Variants in CDK13 observed in about 807,000 individuals in gnomAD.
CDK13 encodes the protein cyclin-dependent kinase 13.
CDK13 carries 40 observed loss-of-function variants against 137.6 expected under a neutral mutation model. The ratio of observed to expected loss-of-function variants is 0.29; its 90% CI spans 0.23 to 0.38. The LOEUF is 0.38. Among genes scored for constraint, CDK13 ranks in the 10% least tolerant of loss-of-function variants. The pLI, the probability that CDK13 is intolerant of heterozygous loss-of-function variation, is 1.00. For missense variants in CDK13, 1,704 were observed against 1,951.8 expected (o/e 0.87, Z 2.39); for synonymous variants, 869 against 760.1 (o/e 1.14, Z -2.36).
intron 5 of CDK13, among the ~76,000 whole-genome samples, chr7:40,011,243 G>C (rs1784887783): frequency 6.6e-6 from 1 of 152,250 alleles, no homozygotes; most frequent in East Asian, 1.9e-4. Flanking sequence ...CTTCCTACAG[G>C]CTGGGCACGT....
intron 1 of CDK13, among the ~76,000 whole-genome samples, chr7:39,966,860 AGTTTGCTGGAGGTCCACTCCAGACCCT>A (rs1783883542): frequency 6.6e-6 from 1 of 151,916 alleles, no homozygotes; most frequent in Non-Finnish European, 1.5e-5. Context: ...GGTCCGTTGG[AGTTTGCTGGAGGTCCACTCCAGACCCT>A]GTTTGCCTGG....
chr7:39,969,840 T>C (rs1387319668), intron 1 of CDK13, among the ~76,000 whole-genome samples: 1 of 152,174 alleles, frequency 6.6e-6, no homozygotes, highest in Non-Finnish European at 1.5e-5. Flanking sequence ...TCATTCTTCA[T>C]GAATTGGGTT....
intron 1 of CDK13, among the ~76,000 whole-genome samples, chr7:39,969,065 A>G (rs1294883818): frequency 6.6e-6 from 1 of 152,002 alleles, no homozygotes; most frequent in Non-Finnish European, 1.5e-5. Context: ...GCTGGAGTGC[A>G]GTGGTGTGAT....
intron 1 of CDK13, chr7:39,985,492 G>A (rs1036232388): frequency 1.3e-5 from 2 of 152,206 alleles, no homozygotes; most frequent in African/African-American, 4.8e-5. Context: ...ATGTACCTAG[G>A]AGTGGGATTG....
chr7:39,958,566 C>T (rs1787498047), intron 1 of CDK13, among the ~76,000 whole-genome samples: 1 of 152,140 alleles, frequency 6.6e-6, no homozygotes, highest in Non-Finnish European at 1.5e-5. Context: ...GAACATGTAA[C>T]AATGCTGTCT....
chr7:39,978,390 AG>A (rs1194960740), intron 1 of CDK13, among the ~76,000 whole-genome samples: 1 of 152,154 alleles, frequency 6.6e-6, no homozygotes, highest in Middle Eastern at 3.2e-3. Context: ...GTTGCTTCAG[AG>A]GTGACCAGTT....
intron 10 of CDK13, 71 bp from the exon 11 acceptor site, chr7:40,078,649 T>G (rs989294995): frequency 1.1e-6 from 1 of 912,882 alleles, no homozygotes; most frequent in Non-Finnish European, 1.5e-6. Context: ...TTAAAAATAA[T>G]TTAAGCTCCT....
intron 7 of CDK13, among the ~76,000 whole-genome samples, chr7:40,054,645 G>A (rs2150522211): frequency 6.6e-6 from 1 of 152,190 alleles, no homozygotes; most frequent in East Asian, 1.9e-4. Context: ...TGTCCAGGCT[G>A]GTCTTGAACT....
chr7:40,027,859 T>TA (rs1785279007), intron 5 of CDK13, among the ~76,000 whole-genome samples: 1 of 152,006 alleles, frequency 6.6e-6, no homozygotes, highest in African/African-American at 2.4e-5. Context: ...AGTGTGAGGG[T>TA]AATCATCTTG....
At chr7:40,072,727 T>G (rs907776778) in intron 9 of CDK13, 2 of 152,226 alleles carry the variant, frequency 1.3e-5, no homozygotes, top group Non-Finnish European at 2.9e-5. Flanking sequence ...AATACTGATG[T>G]ACAACATCTA....
At chr7:40,063,124 G>C (rs1305646472) in intron 9 of CDK13, 24 bp downstream of exon 9, 1 of 1,542,944 alleles carries the variant, frequency 6.5e-7, no homozygotes, top group Non-Finnish European at 9.0e-7. Flanking sequence ...TATAATATTG[G>C]TGGGAATTGG....
At chr7:39,973,292 A>T (rs1348116957) in intron 1 of CDK13, among the ~76,000 whole-genome samples, 1 of 152,008 alleles carries the variant, frequency 6.6e-6, no homozygotes, top group Non-Finnish European at 1.5e-5. Flanking sequence ...ACACGCCACC[A>T]CACCTGGCTA....
At chr7:40,051,605 A>C (rs1381550075) in intron 7 of CDK13, among the ~76,000 whole-genome samples, 1 of 152,230 alleles carries the variant, frequency 6.6e-6, no homozygotes, top group Non-Finnish European at 1.5e-5. Context: ...TGAATTGTTC[A>C]AGAATTTTGT....
intron 5 of CDK13, among the ~76,000 whole-genome samples, chr7:40,022,858 C>CTT (rs200053217): frequency 3.9e-4 from 53 of 134,666 alleles, no homozygotes; most frequent in Middle Eastern, 3.8e-3. Context: ...TTTTCGTCTT[C>CTT]TTTTTTTTTT....
intron 2 of CDK13, among the ~76,000 whole-genome samples, chr7:39,989,103 AAAAAAAAAG>A (rs773806378): frequency 0.086 from 12,288 of 142,738 alleles, 2,003 homozygotes; most frequent in African/African-American, 0.32. Context: ...AAAAAAAAAA[AAAAAAAAAG>A]AGAAAATTCA....
chr7:40,063,817 C>G (rs1010194176), intron 9 of CDK13, among the ~76,000 whole-genome samples: 2 of 151,828 alleles, frequency 1.3e-5, no homozygotes, highest in African/African-American at 4.8e-5. Flanking sequence ...ACCACCATGC[C>G]CAGCTAATTT....
At chr7:40,003,447 T>A (rs1244850636) in intron 5 of CDK13, among the ~76,000 whole-genome samples, 1 of 152,134 alleles carries the variant, frequency 6.6e-6, no homozygotes, top group Non-Finnish European at 1.5e-5. Context: ...TATTGTGTGG[T>A]TGATGGGGTA....
chr7:39,951,303 G>C lies in CDK13; in HGVS notation c.662G>C (p.Gly221Ala), dbSNP rs564002120. 31 of 1,388,350 alleles carry C rather than the reference G, an allele frequency of 2.2e-5. No homozygotes were observed. The South Asian group carries it at 4.5e-4, about 20-fold the overall frequency. 86.0% of individuals were successfully genotyped at this position (1,388,350 alleles called of 1,614,324 possible). Residue 221 changes from glycine to alanine, a missense_variant, in exon 1 of 14, where the codon GGG (glycine) becomes GCG (alanine). This residue lies in a region of CDK13 where 1,051 missense variants were observed against 931.0 expected (regional missense o/e 1.13). Transcript: ENST00000181839. ...ERHREHRRRD[G>A]QRGGSEASKS... The stretch of plus-strand genomic sequence containing the variant: ...CACCGCGAGCACCGGCGGCGGGATG[G>C]GCAGCGCGGTGGCAGCGAGGCCTCC...
At chr7:39,990,779 T>A (rs1486076206) in intron 2 of CDK13, among the ~76,000 whole-genome samples, 1 of 152,210 alleles carries the variant, frequency 6.6e-6, no homozygotes, top group Non-Finnish European at 1.5e-5. Flanking sequence ...CCTCACAGAT[T>A]AGTTGTAAAG....
Sources: allele counts gnomAD v4.1 joint callset (sites outside exome capture counted in the v4.1 genomes callset), GRCh38; gene constraint gnomAD v4.1.1; regional missense constraint gnomAD v4.1.1; transcripts MANE v1.5; gene names NCBI Gene and HGNC (gene_info 2026-07-23, HGNC 2026-07-21).